ANKFN1: variants seen among roughly 807,000 people sequenced by gnomAD.
The protein encoded by ANKFN1 is ankyrin repeat and fibronectin type-III domain-containing protein 1.
Under a neutral mutation model 108.7 loss-of-function variants are expected in ANKFN1, and 74 were observed. The ratio of observed to expected loss-of-function variants is 0.68; its 90% CI spans 0.56 to 0.83. The LOEUF (loss-of-function observed/expected upper bound fraction) is 0.83. Ranked by LOEUF, ANKFN1 falls within the 40% of genes least tolerant of loss-of-function variation. The probability of loss-of-function intolerance (pLI) is 0.00; values close to 1 mark genes in which losing one functional copy is unlikely to be tolerated. For missense variants in ANKFN1, 1,505 were observed against 1,382.3 expected (o/e 1.09, Z -1.41); for synonymous variants, 547 against 516.2 (o/e 1.06, Z -0.81).
intron 14 of ANKFN1, among the ~76,000 whole-genome samples, chr17:56,466,011 A>G (rs1216650139): frequency 1.3e-5 from 2 of 152,234 alleles, no homozygotes; most frequent in African/African-American, 4.8e-5. Flanking sequence ...AACATCTGGG[A>G]TTCTCTTCAA....
chr17:56,085,415 C>T (rs4793801), intron 4 of ANKFN1, among the ~76,000 whole-genome samples: 76,578 of 150,194 alleles, frequency 0.51, 22,838 homozygotes, highest in Non-Finnish European at 0.66. Context: ...GATGTGGCCA[C>T]AAGCCAAGGA....
chr17:56,469,704 A>C (rs988168856), intron 15 of ANKFN1, among the ~76,000 whole-genome samples: 1 of 152,186 alleles, frequency 6.6e-6, no homozygotes, highest in African/African-American at 2.4e-5. Context: ...GAGTTAGTAC[A>C]TACATGATTA....
chr17:56,505,135 T>G (rs2051511825), intron 20 of ANKFN1, among the ~76,000 whole-genome samples: 1 of 152,206 alleles, frequency 6.6e-6, no homozygotes, highest in South Asian at 2.1e-4. Flanking sequence ...TTCTTTCTGC[T>G]ATATTTGGGC....
intron 1 of ANKFN1, among the ~76,000 whole-genome samples, chr17:56,176,365 T>A (rs1911153700): frequency 6.6e-6 from 1 of 152,190 alleles, no homozygotes; most frequent in Non-Finnish European, 1.5e-5. Context: ...AAGTGGGTGA[T>A]CCCTGTAATA....
chr17:56,240,665 G>T (rs1285931674), intron 3 of ANKFN1, among the ~76,000 whole-genome samples: 1 of 151,982 alleles, frequency 6.6e-6, no homozygotes, highest in Non-Finnish European at 1.5e-5. Flanking sequence ...GTAAGTTTCG[G>T]TTTCTCCAAA....
At chr17:56,457,527 C>T (rs2049750266) in intron 13 of ANKFN1, 138 bp downstream of exon 13, 2 of 921,272 alleles carry the variant, frequency 2.2e-6, no homozygotes, top group East Asian at 5.0e-5. Context: ...TCCTTTTCAG[C>T]CCTGGTATGC....
intron 3 of ANKFN1, among the ~76,000 whole-genome samples, chr17:56,306,909 T>C (rs2144406242): frequency 6.6e-6 from 1 of 152,220 alleles, no homozygotes; most frequent in African/African-American, 2.4e-5. Flanking sequence ...AACAGAGGCC[T>C]CAGAAATAAT....
intron 8 of ANKFN1, among the ~76,000 whole-genome samples, chr17:56,382,258 T>C (rs1358578273): frequency 2.6e-5 from 4 of 151,640 alleles, no homozygotes; most frequent in Admixed American, 2.0e-4. Context: ...AGAAATAAAA[T>C]ACTTACAGAC....
intron 3 of ANKFN1, among the ~76,000 whole-genome samples, chr17:56,287,302 T>C (rs2332600): frequency 0.1 from 15,162 of 152,174 alleles, 1,680 homozygotes; most frequent in African/African-American, 0.27. Flanking sequence ...GACTTTGGAT[T>C]GGACAAGCCT....
chr17:56,384,218 A>G (rs940917881), intron 8 of ANKFN1, among the ~76,000 whole-genome samples: 1 of 152,240 alleles, frequency 6.6e-6, no homozygotes, highest in Non-Finnish European at 1.5e-5. Flanking sequence ...ACAGAACCAA[A>G]GACGAAAACC....
chr17:56,289,493 G>A (rs1237603712), intron 3 of ANKFN1, among the ~76,000 whole-genome samples: 2 of 152,170 alleles, frequency 1.3e-5, no homozygotes, highest in South Asian at 2.1e-4. Context: ...ATTCACGTCA[G>A]CAGGAAGCTA....
intron 3 of ANKFN1, among the ~76,000 whole-genome samples, chr17:56,279,286 C>T (rs1194920190): frequency 6.6e-6 from 1 of 151,834 alleles, no homozygotes; most frequent in Admixed American, 6.6e-5. Flanking sequence ...AAGTGGAATC[C>T]CACAGAGAGA....
chr17:56,467,261 T>C (rs769654259), intron 15 of ANKFN1, among the ~76,000 whole-genome samples: 1 of 152,202 alleles, frequency 6.6e-6, no homozygotes, highest in Non-Finnish European at 1.5e-5. Context: ...TGTGCATGTG[T>C]GTGTATTTGA....
At chr17:56,128,247 T>C (rs916161193) in intron 4 of ANKFN1, among the ~76,000 whole-genome samples, 4 of 147,404 alleles carry the variant, frequency 2.7e-5, no homozygotes, top group African/African-American at 1.0e-4. Flanking sequence ...TTTTTTTTTT[T>C]CCTGGGAGGT....
At chr17:56,129,619 T>C (rs917744812) in intron 4 of ANKFN1, among the ~76,000 whole-genome samples, 6 of 152,250 alleles carry the variant, frequency 3.9e-5, no homozygotes, top group Non-Finnish European at 5.9e-5. Flanking sequence ...TTTTTAATTG[T>C]CACATATAGG....
Position 56,511,402 on chromosome 17 carries a change from G to C in ANKFN1, c.*133G>C. The C allele has an allele frequency of 9.6e-7, 1 of 1,042,156 alleles. No individual in the cohort carries two copies. 64.6% of individuals were successfully genotyped at this position (1,042,156 alleles called of 1,614,324 possible). On this transcript the variant is annotated 3_prime_UTR_variant, in exon 21 of 21. Coordinates refer to ENST00000682825, the MANE Select transcript of ANKFN1 (RefSeq NM_001370326.1). ...AATGTTATAAATACAAAGGTTACAA[G>C]TTCAAGGTCCTCTTTTTTTGGAACA... is the stretch of plus-strand genomic sequence containing the variant.
At chr17:56,285,179 A>G (rs187212143) in intron 3 of ANKFN1, among the ~76,000 whole-genome samples, 43 of 152,284 alleles carry the variant, frequency 2.8e-4, no homozygotes, top group African/African-American at 1.0e-3. Context: ...TTAGGGTGAC[A>G]GCAGGGGTGC....
At chr17:56,249,441 T>TAA (rs551355182) in intron 3 of ANKFN1, among the ~76,000 whole-genome samples, 203 of 128,694 alleles carry the variant, frequency 1.6e-3, no homozygotes, top group Middle Eastern at 4.3e-3. Context: ...CTCAAAAAAA[T>TAA]AAAAAAAAAA....
intron 4 of ANKFN1, among the ~76,000 whole-genome samples, chr17:56,119,999 C>T (rs1463069219): frequency 6.6e-6 from 1 of 152,142 alleles, no homozygotes; most frequent in Non-Finnish European, 1.5e-5. Context: ...GTTTTCGTTG[C>T]TGGCAGGGAT....
Sources: gnomAD v4.1 joint callset for allele counts (sites outside exome capture counted in the v4.1 genomes callset) on GRCh38, gnomAD v4.1.1 for gene constraint, MANE v1.5 for transcripts, NCBI Gene and HGNC (gene_info 2026-07-23, HGNC 2026-07-21) for gene names.